The following ARHGAP32 variants were observed in gnomAD, a reference collection of about 807,000 sequenced individuals.
ARHGAP32 encodes rho GTPase-activating protein 32.
In ARHGAP32, 51 loss-of-function variants were observed where a neutral mutation model predicts 186.5. The observed-to-expected ratio is 0.27, with a 90% CI of 0.22 to 0.35. ARHGAP32 has a LOEUF of 0.35. Among genes scored for constraint, ARHGAP32 ranks in the 10% least tolerant of loss-of-function variants. The pLI is 1.00. For synonymous variants in ARHGAP32, 950 were observed against 964.3 expected (o/e 0.99, Z 0.27); for missense variants, 2,186 against 2,623.5 (o/e 0.83, Z 3.64).
At chr11:129,002,887 C>A (rs990972723) in intron 11 of ARHGAP32, among the ~76,000 whole-genome samples, 18 of 147,006 alleles carry the variant, frequency 1.2e-4, no homozygotes, top group Admixed American at 3.4e-4. Flanking sequence ...CGGCTCACTG[C>A]AAGCTCCGCC....
chr11:128,977,460 T>C (rs1413815548), intron 19 of ARHGAP32, among the ~76,000 whole-genome samples: 4 of 152,164 alleles, frequency 2.6e-5, no homozygotes, highest in East Asian at 1.9e-4. Context: ...CAATTCTTCC[T>C]TTCCCACCTT....
At chr11:129,249,785 GT>G (rs750316954) in intron 1 of ARHGAP32, among the ~76,000 whole-genome samples, 1 of 152,072 alleles carries the variant, frequency 6.6e-6, no homozygotes, top group South Asian at 2.1e-4. Flanking sequence ...AAAGTTTTGG[GT>G]TTTTTTAATG....
chr11:128,965,582 G>A lies in ARHGAP32; in HGVS notation c.*3325C>T, dbSNP rs569758389. 6 of 152,218 alleles carry A rather than the reference G, an allele frequency of 3.9e-5. No homozygotes were observed. Among genetic ancestry groups the A allele is most frequent in the South Asian group, 2.1e-4 (1 of 4,824 alleles). The allele number at this position is 152,218 out of a possible 1,614,324, so 9.4% of individuals were successfully genotyped here. ...TGCACACTGACATTATCTTGCACAC[G>A]TTATAATACACCATTCCTGACATTT... is the stretch of plus-strand genomic sequence containing the variant. On this transcript the variant is annotated 3_prime_UTR_variant, in exon 23 of 23. Transcript: ENST00000682385.
intron 5 of ARHGAP32, among the ~76,000 whole-genome samples, chr11:129,100,477 C>G (rs1185576612): frequency 6.6e-6 from 1 of 152,160 alleles, no homozygotes; most frequent in African/African-American, 2.4e-5. Context: ...ACTCCCTCCC[C>G]ATATGTCAGC....
intron 11 of ARHGAP32, among the ~76,000 whole-genome samples, chr11:129,021,543 G>T (rs1446127572): frequency 6.6e-6 from 1 of 151,964 alleles, no homozygotes; most frequent in Non-Finnish European, 1.5e-5. Flanking sequence ...TTGGGAAAAT[G>T]GTCATACGGT....
chr11:129,070,195 T>A (rs1940826228), intron 6 of ARHGAP32, among the ~76,000 whole-genome samples: 1 of 151,984 alleles, frequency 6.6e-6, no homozygotes, highest in Admixed American at 6.6e-5. Context: ...ATCTGTAAAA[T>A]GGGGAGGCTA....
chr11:128,999,604 G>A (rs533338583), intron 11 of ARHGAP32, among the ~76,000 whole-genome samples: 2 of 152,268 alleles, frequency 1.3e-5, no homozygotes, highest in East Asian at 3.9e-4. Flanking sequence ...CACGGAACCT[G>A]CCGACATGTG....
At position 129,192,214 on chromosome 11, in the gene ARHGAP32, C is replaced by CA. The variant is rs200194729; in HGVS notation, c.-17dup. ...CAGTCTCCATCTTGTACTTAAAAAA[C>CA]AAAAAAAACTAAACCTCCAGGCATG... On this transcript the variant is annotated 5_prime_UTR_variant, in exon 1 of 23. It removes the in-frame stop codon of an upstream open reading frame in the 5' UTR. Coordinates refer to ENST00000682385, the MANE Select transcript of ARHGAP32 (RefSeq NM_001378024.1). 1.8e-4 allele frequency: 276 copies of CA among 1,573,632 alleles called. No homozygotes were observed. The East Asian group carries it at 4.7e-3, about 27-fold the overall frequency.
intron 1 of ARHGAP32, among the ~76,000 whole-genome samples, chr11:129,172,030 G>C (rs1033447478): frequency 6.6e-6 from 1 of 152,146 alleles, no homozygotes; most frequent in Admixed American, 6.6e-5. Flanking sequence ...TGTATCCTGA[G>C]ACTGCTGAAG....
At chr11:129,105,832 CTAAA>C (rs1381544810) in intron 5 of ARHGAP32, among the ~76,000 whole-genome samples, 1 of 152,152 alleles carries the variant, frequency 6.6e-6, no homozygotes, top group East Asian at 1.9e-4. Context: ...TAACTAGACA[CTAAA>C]TAAACTGTAT....
rs77576478 is a variant in ARHGAP32 at position 129,041,689 on chromosome 11, C to T, written c.964-680G>A. On this transcript the variant is annotated intron_variant, in intron 10 of 22. Coordinates refer to ENST00000682385, the MANE Select transcript of ARHGAP32 (RefSeq NM_001378024.1). ...CACCACAGTGACCTAGTAGCAGAAC[C>T]GCAGGCATTGCTTTTGGCATTGTAA... 4.4e-3 allele frequency among the ~76,000 whole-genome samples: 673 copies of T among 152,172 alleles called. 10 individuals are homozygous for T. The highest frequency in any genetic ancestry group is 0.015 in the African/African-American group (621 of 41,524).
intron 2 of ARHGAP32, among the ~76,000 whole-genome samples, chr11:129,131,197 T>C (rs769832798): frequency 1.3e-5 from 2 of 152,050 alleles, no homozygotes; most frequent in Non-Finnish European, 2.9e-5. Context: ...CCAAGAACTG[T>C]TTTATATCTC....
intron 1 of ARHGAP32, among the ~76,000 whole-genome samples, chr11:129,200,921 T>C (rs1451217433): frequency 1.3e-5 from 2 of 152,128 alleles, no homozygotes; most frequent in African/African-American, 2.4e-5. Flanking sequence ...AATCACTCTG[T>C]AATTTTTATT....
chr11:129,277,369 C>G (rs2135737274), intron 1 of ARHGAP32, among the ~76,000 whole-genome samples: 1 of 152,282 alleles, frequency 6.6e-6, no homozygotes, highest in Middle Eastern at 3.4e-3. Context: ...TTCAAACCAA[C>G]ATCAAAGGCT....
At chr11:129,134,701 G>A (rs902834042) in intron 2 of ARHGAP32, among the ~76,000 whole-genome samples, 23 of 152,082 alleles carry the variant, frequency 1.5e-4, no homozygotes, top group African/African-American at 4.3e-4. Flanking sequence ...AAAACCTAAC[G>A]CCCAAGGTGA....
chr11:128,977,937 G>C (rs1945595950), intron 19 of ARHGAP32, among the ~76,000 whole-genome samples: 1 of 150,840 alleles, frequency 6.6e-6, no homozygotes, highest in South Asian at 2.1e-4. Flanking sequence ...GGCTGGTCTT[G>C]AACTCCTGGC....
At chr11:129,221,506 TG>T (rs1944710665) in intron 1 of ARHGAP32, among the ~76,000 whole-genome samples, 1 of 142,852 alleles carries the variant, frequency 7.0e-6, no homozygotes, top group African/African-American at 2.6e-5. Context: ...TGTGTGTGTG[TG>T]TGTGTGTGTG....
At chr11:129,216,821 T>C (rs1229433545) in intron 1 of ARHGAP32, among the ~76,000 whole-genome samples, 1 of 152,026 alleles carries the variant, frequency 6.6e-6, no homozygotes, top group Non-Finnish European at 1.5e-5. Context: ...TGATAGTGAT[T>C]TGTTTTTATA....
intron 1 of ARHGAP32, among the ~76,000 whole-genome samples, chr11:129,252,599 T>C (rs1196312040): frequency 1.3e-5 from 2 of 152,278 alleles, no homozygotes; most frequent in East Asian, 3.9e-4. Context: ...CAAATTCATC[T>C]GAGTAGGAGG....
Sources: gnomAD v4.1 joint callset for allele counts (sites outside exome capture counted in the v4.1 genomes callset) on GRCh38, gnomAD v4.1.1 for gene constraint, MANE v1.5 for transcripts, NCBI Gene and HGNC (gene_info 2026-07-23, HGNC 2026-07-21) for gene names.